The following ZNF106 variants were observed in gnomAD, a reference collection of about 807,000 sequenced individuals.
ZNF106 encodes zinc finger protein 106.
Under a neutral mutation model 195.1 loss-of-function variants are expected in ZNF106, and 67 were observed. The ratio of observed to expected loss-of-function variants is 0.34; its 90% CI spans 0.28 to 0.42. The LOEUF (loss-of-function observed/expected upper bound fraction) is 0.42. ZNF106 is among the 10% of genes least tolerant of loss of function. ZNF106 has a pLI of 1.00. For missense variants in ZNF106, 2,118 were observed against 2,304.5 expected (o/e 0.92, Z 1.66); for synonymous variants, 784 against 818.6 (o/e 0.96, Z 0.72).
intron 1 of ZNF106, among the ~76,000 whole-genome samples, chr15:42,488,471 G>A (rs2057064944): frequency 1.3e-5 from 2 of 151,858 alleles, no homozygotes; most frequent in African/African-American, 4.8e-5. Flanking sequence ...ACACTCGACT[G>A]TAGAGTTTCC....
intron 3 of ZNF106, among the ~76,000 whole-genome samples, chr15:42,464,326 T>G (rs930696712): frequency 2.7e-5 from 4 of 147,888 alleles, no homozygotes; most frequent in East Asian, 2.0e-4. Flanking sequence ...GGCAACAGAG[T>G]GAGACTCCGT....
intron 2 of ZNF106, among the ~76,000 whole-genome samples, chr15:42,469,935 A>G (rs557280256): frequency 6.6e-6 from 1 of 152,198 alleles, no homozygotes; most frequent in East Asian, 1.9e-4. Flanking sequence ...AATAGCCCCA[A>G]ATGCATTCCT....
chr15:42,417,165 C>A lies in ZNF106; in HGVS notation c.*139G>T. The A allele has an allele frequency of 2.5e-6, 2 of 814,162 alleles. No individual in the cohort carries two copies. The highest frequency in any genetic ancestry group is 1.7e-5 in the South Asian group (1 of 59,074). 50.4% of individuals were successfully genotyped at this position (814,162 alleles called of 1,614,324 possible). A position where few individuals can be genotyped will look rare whatever the true frequency, so the allele number is the denominator to read the frequency against. On this transcript the variant is annotated 3_prime_UTR_variant, in exon 22 of 22. Transcript: ENST00000564754. ...TTATCATCCCATAGAGCTGCCCAGA[C>A]TTATGCTAGGGGTATGCCTGGCTAG...
chr15:42,448,085 C>T lies in ZNF106; in HGVS notation c.3122G>A (p.Arg1041Gln). 2 of 1,610,882 alleles carry T rather than the reference C, an allele frequency of 1.2e-6. No individual in the cohort carries two copies. The highest frequency in any genetic ancestry group is 2.2e-5 in the East Asian group (1 of 44,822). ...AATTATACTCACTCCAGTGGCTCTT[C>T]GTTTCTTTCTAATACTTTGGCCATC... ...QNDGQSIRKKRRATGDGSSPE... is the reference protein window; with the variant it reads ...QNDGQSIRKKQRATGDGSSPE... Residue 1041 changes from arginine to glutamine, a missense_variant, in exon 6 of 22, where the codon CGA becomes CAA. Arg to Gln is a conservative substitution (Grantham distance 43, BLOSUM62 1). Coordinates refer to ENST00000564754, the MANE Select transcript of ZNF106 (RefSeq NM_001366845.3).
chr15:42,435,127 A>C (rs2055223271), intron 14 of ZNF106, among the ~76,000 whole-genome samples: 1 of 152,184 alleles, frequency 6.6e-6, no homozygotes. Flanking sequence ...GATATGCATA[A>C]CATTTATGGC....
chr15:42,432,168 T>C (rs577249357), intron 14 of ZNF106, among the ~76,000 whole-genome samples: 2 of 152,292 alleles, frequency 1.3e-5, no homozygotes, highest in East Asian at 3.9e-4. Context: ...GTCTTTTTCA[T>C]TTTTTAAAGG....
chr15:42,415,556 C>T lies in ZNF106; in HGVS notation c.*1748G>A. On this transcript the variant is annotated 3_prime_UTR_variant, in exon 22 of 22. Coordinates refer to ENST00000564754, the MANE Select transcript of ZNF106 (RefSeq NM_001366845.3). ...CCCTCTTGAAGCCTATCCATAAACC[C>T]CCTGGTGAAGTCCCCCTGCCCGATA... The T allele has an allele frequency of 4.5e-6, 2 of 449,076 alleles. No individual in the cohort carries two copies. The highest frequency in any genetic ancestry group is 2.4e-5 in the Admixed American group (1 of 41,462). 27.8% of individuals were successfully genotyped at this position (449,076 alleles called of 1,614,324 possible).
chr15:42,462,625 T>C (rs1045595282), intron 3 of ZNF106, among the ~76,000 whole-genome samples: 1 of 152,068 alleles, frequency 6.6e-6, no homozygotes, highest in Non-Finnish European at 1.5e-5. Flanking sequence ...AATAAGTACG[T>C]AAATACATAG....
At chr15:42,435,891 T>C (rs1346778035) in intron 13 of ZNF106, among the ~76,000 whole-genome samples, 1 of 151,844 alleles carries the variant, frequency 6.6e-6, no homozygotes, top group Non-Finnish European at 1.5e-5. Context: ...AAGCAGTTTG[T>C]GAGAATGCAC....
intron 3 of ZNF106, among the ~76,000 whole-genome samples, chr15:42,462,699 G>A (rs775728238): frequency 2.6e-5 from 4 of 152,238 alleles, no homozygotes; most frequent in Non-Finnish European, 4.4e-5. Context: ...ATAGGATTTA[G>A]AGGGGAAAGG....
rs1405443437 is a variant in ZNF106 at position 42,457,039 on chromosome 15, T to G, written c.236A>C (p.Asp79Ala). The change falls in exon 4 of 22, where the codon GAT becomes GCT. Residue 79 changes from aspartate (D) to alanine (A), a missense_variant. Physicochemically the swap from Asp to Ala is moderately radical, Grantham distance 126. Coordinates refer to ENST00000564754, the MANE Select transcript of ZNF106 (RefSeq NM_001366845.3). ...TTCTTCCTCTTCCTCTCCTTTTCCA[T>G]CATCTTCTCTTTCCTGGGCATCAAC... ...DNVDAQERED[D>A]GKGEEEEEDY... is the part of the protein sequence containing the mutation. 3.1e-6 allele frequency: 5 copies of G among 1,610,092 alleles called. No individual in the cohort carries two copies. The Admixed American group carries it at 5.1e-5, about 16-fold the overall frequency.
chr15:42,442,377 G>C lies in ZNF106; in HGVS notation c.3459C>G (p.Pro1153=), dbSNP rs373544952. 60 of 1,613,938 alleles carry C rather than the reference G, an allele frequency of 3.7e-5. No homozygotes were observed. The highest frequency in any genetic ancestry group is 4.8e-5 in the Non-Finnish European group (57 of 1,179,944). Residue 1153 remains proline (P), a synonymous_variant, in exon 10 of 22, where the codon CCC becomes CCG. Transcript: ENST00000564754. ...TCCTTCGTTCTCGTGTGAGGCTACA[G>C]GGAACCTGGTCTGGGTGCTCAGAAG... The part of the protein sequence containing the change: ...YEPSEHPDQV[P]CSLTRERRNS...
chr15:42,482,289 C>T (rs1428146150), intron 1 of ZNF106, among the ~76,000 whole-genome samples: 1 of 152,110 alleles, frequency 6.6e-6, no homozygotes, highest in Non-Finnish European at 1.5e-5. Flanking sequence ...TTTAAGGTCA[C>T]TCTCTAGAGT....
intron 4 of ZNF106, among the ~76,000 whole-genome samples, chr15:42,452,881 T>C (rs1381220388): frequency 6.6e-6 from 1 of 151,998 alleles, no homozygotes; most frequent in Admixed American, 6.6e-5. Context: ...AGACGGGGTT[T>C]CACCATGTTG....
chr15:42,439,199 C>T lies in ZNF106; in HGVS notation c.4378G>A (p.Ala1460Thr), dbSNP rs778409530. The change falls in exon 11 of 22, where the codon GCC becomes ACC. Residue 1460 changes from alanine (A) to threonine (T), a missense_variant. Ala to Thr is a moderately conservative substitution (Grantham distance 58, BLOSUM62 0). Transcript: ENST00000564754. Reference sequence around the variant, plus strand: ...TCTCCTGATTCTGAAGAATCAATGGCTACTACTTCTAACTGAGGATTAGGA... The same window carrying T: ...TCTCCTGATTCTGAAGAATCAATGGTTACTACTTCTAACTGAGGATTAGGA... ...EIPNPQLEVV[A>T]IDSSESGEEK... 1.2e-6 allele frequency: 2 copies of T among 1,614,140 alleles called. No individual in the cohort carries two copies. Among genetic ancestry groups the T allele is most frequent in the East Asian group, 2.2e-5 (1 of 44,888 alleles).
At position 42,451,754 on chromosome 15, in the gene ZNF106, G is replaced by T; in HGVS notation, c.518C>A (p.Ser173Tyr). ...NNTRKNSFPH[S>Y]LRNGGGPRGR... ...TCTTGGTCCACCACCATTCCTCAAA[G>T]AATGTGGAAAGCTGTTTTTCCTAGT... Residue 173 changes from serine (S) to tyrosine (Y), a missense_variant, in exon 5 of 22, where the codon TCT (serine) becomes TAT (tyrosine). Coordinates refer to ENST00000564754, the MANE Select transcript of ZNF106 (RefSeq NM_001366845.3). 1.2e-6 allele frequency: 2 copies of T among 1,614,162 alleles called. No individual in the cohort carries two copies. Among genetic ancestry groups the T allele is most frequent in the Non-Finnish European group, 1.7e-6 (2 of 1,180,020 alleles).
intron 14 of ZNF106, among the ~76,000 whole-genome samples, chr15:42,434,621 C>G (rs2055201766): frequency 6.6e-6 from 1 of 152,056 alleles, no homozygotes; most frequent in Admixed American, 6.6e-5. Context: ...CTTCACATAC[C>G]TCCATCTTTT....
chr15:42,457,021 T>C lies in ZNF106; in HGVS notation c.254A>G (p.Glu85Gly). ...EREDDGKGEEEEEDYFDKELI... is the reference protein window; with the variant it reads ...EREDDGKGEEGEEDYFDKELI... The stretch of plus-strand genomic sequence containing the variant: ...TTCCTTGTCAAAATAATCTTCTTCC[T>C]CTTCCTCTCCTTTTCCATCATCTTC... The change falls in exon 4 of 22, where the codon GAG becomes GGG. Residue 85 changes from glutamate (E) to glycine (G), a missense_variant. By Grantham distance (98) the Glu-to-Gly change is moderately conservative. Transcript: ENST00000564754. 6.2e-7 allele frequency: 1 copy of C among 1,610,132 alleles called. No individual in the cohort carries two copies. Among genetic ancestry groups the C allele is most frequent in the Non-Finnish European group, 8.5e-7 (1 of 1,177,766 alleles).
chr15:42,428,238 G>C (rs2054927055), intron 14 of ZNF106, 104 bp from the exon 15 acceptor site: 3 of 849,116 alleles, frequency 3.5e-6, no homozygotes, highest in Non-Finnish European at 3.7e-6. Context: ...TTATGCGGAA[G>C]AAAGTGTGAC....
Sources: gnomAD v4.1 joint callset for allele counts (sites outside exome capture counted in the v4.1 genomes callset) on GRCh38, gnomAD v4.1.1 for gene constraint, MANE v1.5 for transcripts, NCBI Gene and HGNC (gene_info 2026-07-23, HGNC 2026-07-21) for gene names.